Variants in FAM83B observed in about 807,000 individuals in gnomAD.
FAM83B encodes the protein scaffolding CK1 anchoring protein B.
In FAM83B, 26 loss-of-function variants were observed where a neutral mutation model predicts 38.8. The observed-to-expected ratio is 0.67, with a 90% CI of 0.49 to 0.93. FAM83B has a LOEUF of 0.93. FAM83B is among the 40% of genes least tolerant of loss of function. The probability of loss-of-function intolerance (pLI) is 0.00; values close to 1 mark genes in which losing one functional copy is unlikely to be tolerated. For synonymous variants in FAM83B, 419 were observed against 423.1 expected (o/e 0.99, Z 0.12); for missense variants, 1,237 against 1,197.3 (o/e 1.03, Z -0.49).
At chr6:54,872,230 T>C (rs1771874158) in intron 2 of FAM83B, among the ~76,000 whole-genome samples, 1 of 152,214 alleles carries the variant, frequency 6.6e-6, no homozygotes, top group Non-Finnish European at 1.5e-5. Context: ...ACCAAACTTT[T>C]ATTGAATGAA....
chr6:54,867,000 G>A (rs536718760), intron 1 of FAM83B, among the ~76,000 whole-genome samples: 1 of 151,496 alleles, frequency 6.6e-6, no homozygotes, highest in South Asian at 2.1e-4. Context: ...GCATGGATTT[G>A]TAAGGCCACT....
chr6:54,857,891 G>GA (rs926316059), intron 1 of FAM83B, among the ~76,000 whole-genome samples: 6 of 151,608 alleles, frequency 4.0e-5, no homozygotes, highest in African/African-American at 7.3e-5. Flanking sequence ...AGATAGAAAT[G>GA]AAAAAAAAGG....
intron 1 of FAM83B, among the ~76,000 whole-genome samples, chr6:54,865,671 G>C (rs1206685077): frequency 6.6e-6 from 1 of 152,030 alleles, no homozygotes; most frequent in Non-Finnish European, 1.5e-5. Context: ...TTGCACATTA[G>C]GTAATTATAG....
intron 2 of FAM83B, among the ~76,000 whole-genome samples, chr6:54,881,535 A>G (rs1470162629): frequency 6.6e-6 from 1 of 152,128 alleles, no homozygotes; most frequent in Non-Finnish European, 1.5e-5. Flanking sequence ...AATCCAATAT[A>G]CGCTGCTGAA....
chr6:54,887,957 A>T (rs537440646), intron 2 of FAM83B, among the ~76,000 whole-genome samples: 7 of 150,904 alleles, frequency 4.6e-5, no homozygotes, highest in African/African-American at 1.5e-4. Flanking sequence ...TATGATTAGT[A>T]TATAACATGT....
chr6:54,927,960 T>C (rs959745538), intron 4 of FAM83B, among the ~76,000 whole-genome samples: 5 of 152,176 alleles, frequency 3.3e-5, no homozygotes, highest in Admixed American at 1.3e-4. Context: ...TTACATAGTA[T>C]GGATTTAGTT....
intron 2 of FAM83B, among the ~76,000 whole-genome samples, chr6:54,903,415 A>G (rs967998828): frequency 1.3e-5 from 2 of 152,184 alleles, no homozygotes; most frequent in African/African-American, 4.8e-5. Context: ...CTGCATTTCT[A>G]CTACCATTGA....
At chr6:54,888,250 TG>T (rs1429189993) in intron 2 of FAM83B, among the ~76,000 whole-genome samples, 2 of 146,258 alleles carry the variant, frequency 1.4e-5, no homozygotes, top group African/African-American at 5.0e-5. Context: ...ATTCAATATA[TG>T]TTTTATTTCC....
chr6:54,911,878 C>G (rs906557426), intron 2 of FAM83B, among the ~76,000 whole-genome samples: 3 of 151,860 alleles, frequency 2.0e-5, no homozygotes, highest in Non-Finnish European at 4.4e-5. Flanking sequence ...TATTTGTGTC[C>G]TTATGTATGA....
At chr6:54,855,169 A>G (rs901680548) in intron 1 of FAM83B, among the ~76,000 whole-genome samples, 3 of 152,248 alleles carry the variant, frequency 2.0e-5, no homozygotes, top group South Asian at 2.1e-4. Context: ...TTGAAACTGC[A>G]TATTGACATG....
intron 1 of FAM83B, among the ~76,000 whole-genome samples, chr6:54,855,085 T>TTA (rs1346980484): frequency 6.6e-6 from 1 of 152,182 alleles, no homozygotes; most frequent in Non-Finnish European, 1.5e-5. Context: ...TCAAAATTGA[T>TTA]TATAAGTTCA....
chr6:54,849,523 T>G, intron 1 of FAM83B, among the ~76,000 whole-genome samples: 2 of 140,338 alleles, frequency 1.4e-5, no homozygotes, highest in African/African-American at 2.7e-5. Flanking sequence ...TAGGGGTGGG[T>G]GATGGAGGGG....
intron 2 of FAM83B, among the ~76,000 whole-genome samples, chr6:54,908,595 A>G (rs1772829580): frequency 1.3e-5 from 2 of 152,192 alleles, no homozygotes; most frequent in African/African-American, 4.8e-5. Flanking sequence ...AAGTTCTCGG[A>G]CTTAAGATTC....
chr6:54,906,364 C>T (rs1357238632), intron 2 of FAM83B, among the ~76,000 whole-genome samples: 1 of 151,940 alleles, frequency 6.6e-6, no homozygotes, highest in African/African-American at 2.4e-5. Flanking sequence ...ACCAATAAAA[C>T]AATTATTATT....
At position 54,941,890 on chromosome 6, in the gene FAM83B, C is replaced by A. The variant is rs1773712447; in HGVS notation, c.2919C>A (p.Gly973=). 6.2e-7 allele frequency: 1 copy of A among 1,613,940 alleles called. No homozygotes were observed. Among genetic ancestry groups the A allele is most frequent in the East Asian group, 2.2e-5 (1 of 44,882 alleles). The stretch of plus-strand genomic sequence containing the variant: ...CTGCGACTATGGGCAACAGTTATGG[C>A]AGGTCTAGTCCATTGCTTAATTACA... ...IKSATMGNSY[G]RSSPLLNYNT... The change falls in exon 5 of 5, where the codon GGC becomes GGA. Residue 973 remains glycine, a synonymous_variant. Transcript: ENST00000306858.
intron 4 of FAM83B, among the ~76,000 whole-genome samples, 155 bp downstream of exon 4, chr6:54,927,787 T>TC (rs1441514892): frequency 6.8e-6 from 1 of 146,582 alleles, no homozygotes; most frequent in Non-Finnish European, 1.5e-5. Flanking sequence ...GAGACCTAGG[T>TC]TTGAGTCATG....
intron 2 of FAM83B, among the ~76,000 whole-genome samples, chr6:54,909,274 T>A (rs542697767): frequency 6.6e-6 from 1 of 152,320 alleles, no homozygotes; most frequent in Non-Finnish European, 1.5e-5. Context: ...AAATATTACC[T>A]AGAACCAGAA....
At position 54,939,822 on chromosome 6, in the gene FAM83B, G is replaced by A; in HGVS notation, c.851G>A (p.Ser284Asn). The A allele has an allele frequency of 1.2e-6, 2 of 1,613,942 alleles. No individual in the cohort carries two copies. The highest frequency in any genetic ancestry group is 1.7e-6 in the Non-Finnish European group (2 of 1,179,962). ...RTLYARSCVP[S>N]SFAQEESARV... Reference sequence around the variant, plus strand: ...CTCTATGCCAGATCCTGTGTCCCTAGTTCATTTGCTCAGGAAGAATCAGCA... The same window carrying A: ...CTCTATGCCAGATCCTGTGTCCCTAATTCATTTGCTCAGGAAGAATCAGCA... Residue 284 changes from serine (S) to asparagine (N), a missense_variant, in exon 5 of 5, where the codon AGT becomes AAT. Ser to Asn is a conservative substitution (Grantham distance 46, BLOSUM62 1). Coordinates refer to ENST00000306858, the MANE Select transcript of FAM83B (RefSeq NM_001010872.3).
At chr6:54,903,607 T>C (rs929600049) in intron 2 of FAM83B, among the ~76,000 whole-genome samples, 1 of 152,222 alleles carries the variant, frequency 6.6e-6, no homozygotes, top group Non-Finnish European at 1.5e-5. Context: ...ATTATTCTTT[T>C]GGGGTATGAA....
Sources: gnomAD v4.1 joint callset for allele counts (sites outside exome capture counted in the v4.1 genomes callset) on GRCh38, gnomAD v4.1.1 for gene constraint, MANE v1.5 for transcripts, NCBI Gene and HGNC (gene_info 2026-07-23, HGNC 2026-07-21) for gene names.